FRAS1: variants seen among roughly 807,000 people sequenced by gnomAD.
FRAS1 encodes Fraser extracellular matrix complex subunit 1, also known as extracellular matrix organizing protein FRAS1.
FRAS1 carries 290 observed loss-of-function variants against 435.2 expected under a neutral mutation model. The ratio of observed to expected loss-of-function variants is 0.67; its 90% CI spans 0.61 to 0.73. FRAS1 has a LOEUF of 0.73. Ranked by LOEUF, FRAS1 falls within the 30% of genes least tolerant of loss-of-function variation. FRAS1 has a pLI of 0.00. For missense variants in FRAS1, 4,860 were observed against 5,001.5 expected (o/e 0.97, Z 0.85); for synonymous variants, 1,800 against 1,851.0 (o/e 0.97, Z 0.71).
At position 78,534,539 on chromosome 4, in the gene FRAS1, G is replaced by A. The variant is rs1721821600; in HGVS notation, c.11016G>A (p.Glu3672=). ...CTGAATTTCAGCTCTGCAATAATGA[G>A]AAGGTGTTCCTAATGGATCCCAATA... is the stretch of plus-strand genomic sequence containing the variant. ...LNTEFQLCNN[E]KVFLMDPNTS... The change falls in exon 71 of 74, where the codon GAG becomes GAA. Residue 3672 remains glutamate, a synonymous_variant. Transcript: ENST00000512123. The A allele has an allele frequency of 2.5e-6, 4 of 1,613,632 alleles. No homozygotes were observed. Among genetic ancestry groups the A allele is most frequent in the African/African-American group, 1.3e-5 (1 of 75,024 alleles).
At chr4:78,465,601 A>G (rs114963732) in intron 49 of FRAS1, among the ~76,000 whole-genome samples, 113 of 152,374 alleles carry the variant, frequency 7.4e-4, no homozygotes, top group Non-Finnish European at 1.5e-3. Flanking sequence ...AACTGTAGCA[A>G]AGGTGGCAAG....
intron 40 of FRAS1, among the ~76,000 whole-genome samples, chr4:78,439,952 G>A (rs1053454977): frequency 2.6e-5 from 4 of 150,980 alleles, no homozygotes; most frequent in Non-Finnish European, 5.9e-5. Flanking sequence ...ATACCATAAT[G>A]CCAAAAGCTC....
intron 20 of FRAS1, among the ~76,000 whole-genome samples, chr4:78,359,874 G>A (rs431907): frequency 0.65 from 99,512 of 151,954 alleles, 33,229 homozygotes; most frequent in African/African-American, 0.7. Flanking sequence ...CCATCATGCA[G>A]TATATGTTTG....
chr4:78,168,078 T>C (rs985585503), intron 2 of FRAS1, among the ~76,000 whole-genome samples: 1 of 152,086 alleles, frequency 6.6e-6, no homozygotes, highest in African/African-American at 2.4e-5. Flanking sequence ...CAGTGATAAC[T>C]GTTCACATGT....
intron 5 of FRAS1, 92 bp downstream of exon 5, chr4:78,252,643 C>A: frequency 8.2e-7 from 1 of 1,221,892 alleles, no homozygotes; most frequent in South Asian, 1.4e-5. Flanking sequence ...AACATAGGTT[C>A]TTTCTATTTT....
At position 78,217,452 on chromosome 4, in the gene FRAS1, G is replaced by A. The variant is rs555886383; in HGVS notation, c.109-20058G>A. Among the ~76,000 whole-genome samples, 13 of 152,192 alleles carry A rather than the reference G, an allele frequency of 8.5e-5. No individual in the cohort carries two copies. The South Asian group carries it at 2.3e-3, about 27-fold the overall frequency. On this transcript the variant is annotated intron_variant, in intron 2 of 73. Transcript: ENST00000512123. Reference sequence around the variant, plus strand: ...TCTGGAAGAGGACTGTTCTGTGCGGGACTGCCAGAGCTTCAGCCCAGCTAA... The same window carrying A: ...TCTGGAAGAGGACTGTTCTGTGCGGAACTGCCAGAGCTTCAGCCCAGCTAA...
At chr4:78,137,434 A>G (rs1719970197) in intron 2 of FRAS1, among the ~76,000 whole-genome samples, 2 of 152,226 alleles carry the variant, frequency 1.3e-5, no homozygotes, top group Non-Finnish European at 2.9e-5. Flanking sequence ...AGGAAAGAGA[A>G]TGATTGTATC....
chr4:78,441,593 A>G lies in FRAS1; in HGVS notation c.5665+296A>G, dbSNP rs76208194. Among the ~76,000 whole-genome samples the G allele has an allele frequency of 0.026, 3,941 of 152,106 alleles. 173 individuals are homozygous for G. The highest frequency in any genetic ancestry group is 0.09 in the African/African-American group (3,740 of 41,460). ...GAGAGACAAATTAAAAACCTAATAA[A>G]TGAGAAGATTGAGTACGATGTTAGA... On this transcript the variant is annotated intron_variant, in intron 41 of 73. Coordinates refer to ENST00000512123, the MANE Select transcript of FRAS1 (RefSeq NM_025074.7).
chr4:78,430,270 C>T (rs755524365), intron 36 of FRAS1, 22 bp from the exon 37 acceptor site: 7 of 1,613,688 alleles, frequency 4.3e-6, no homozygotes, highest in Admixed American at 1.7e-5. Flanking sequence ...TCTCTCACCA[C>T]GCTTCCTTCT....
At chr4:78,208,526 TAAAAA>T (rs1438799244) in intron 2 of FRAS1, among the ~76,000 whole-genome samples, 3 of 151,600 alleles carry the variant, frequency 2.0e-5, no homozygotes, top group Non-Finnish European at 4.4e-5. Flanking sequence ...TTTAAGGAAA[TAAAAA>T]AATGATACAA....
chr4:78,114,365 A>G (rs919579812), intron 2 of FRAS1, among the ~76,000 whole-genome samples: 8 of 152,204 alleles, frequency 5.3e-5, no homozygotes, highest in African/African-American at 7.2e-5. Flanking sequence ...AATTCTGTGA[A>G]GAAAGTCATT....
At chr4:78,129,080 T>C (rs1719543513) in intron 2 of FRAS1, among the ~76,000 whole-genome samples, 1 of 152,224 alleles carries the variant, frequency 6.6e-6, no homozygotes, top group South Asian at 2.1e-4. Flanking sequence ...TGCGGCATTA[T>C]TTCTGAGGGC....
At chr4:78,267,454 A>AT (rs761289240) in intron 9 of FRAS1, 22 bp downstream of exon 9, 4 of 1,607,004 alleles carry the variant, frequency 2.5e-6, no homozygotes, top group Non-Finnish European at 3.4e-6. Flanking sequence ...GGGCATTTCC[A>AT]TTTGGAACGT....
At position 78,308,155 on chromosome 4, in the gene FRAS1, G is replaced by A. The variant is rs745735390; in HGVS notation, c.1624G>A (p.Gly542Ser). The change falls in exon 15 of 74, where the codon GGC becomes AGC. Residue 542 changes from glycine to serine, a missense_variant. By Grantham distance (56) the Gly-to-Ser change is moderately conservative. Coordinates refer to ENST00000512123, the MANE Select transcript of FRAS1 (RefSeq NM_025074.7). ...TCCCCTCCACGTGCTGAGAGATGGC[G>A]GCTGTGAGAGCAGCTGTGGAAAAGG... The part of the protein sequence containing the change: ...RDPLHVLRDG[G>S]CESSCGKGFY... 1.1e-5 allele frequency: 17 copies of A among 1,613,822 alleles called. No individual in the cohort carries two copies. The African/African-American group carries it at 1.1e-4, about 10-fold the overall frequency.
At chr4:78,328,415 C>CA (rs1363264415) in intron 18 of FRAS1, among the ~76,000 whole-genome samples, 4 of 152,102 alleles carry the variant, frequency 2.6e-5, no homozygotes, top group Admixed American at 6.6e-5. Flanking sequence ...TTTAGGTGTG[C>CA]AAAAATCTGT....
At chr4:78,526,744 A>C in intron 70 of FRAS1, 87 bp downstream of exon 70, 3 of 791,752 alleles carry the variant, frequency 3.8e-6, no homozygotes, top group Non-Finnish European at 6.0e-6. Context: ...TAACCCCCAA[A>C]TCAACATGGT....
At chr4:78,307,459 C>T (rs934360237) in intron 14 of FRAS1, among the ~76,000 whole-genome samples, 1 of 152,232 alleles carries the variant, frequency 6.6e-6, no homozygotes, top group Non-Finnish European at 1.5e-5. Context: ...GCCCCTCCCC[C>T]AGCCTTGCTG....
intron 58 of FRAS1, among the ~76,000 whole-genome samples, chr4:78,486,585 T>A (rs548970960): frequency 3.3e-5 from 5 of 152,196 alleles, no homozygotes; most frequent in Non-Finnish European, 7.3e-5. Flanking sequence ...TATCACTTCC[T>A]GGGGATTATA....
chr4:78,079,704 A>T (rs2109873327), intron 2 of FRAS1, among the ~76,000 whole-genome samples: 1 of 152,250 alleles, frequency 6.6e-6, no homozygotes, highest in Admixed American at 6.5e-5. Flanking sequence ...TAATATTCCA[A>T]GAGAAAAGTG....
Sources: gnomAD v4.1 joint callset for allele counts (sites outside exome capture counted in the v4.1 genomes callset) on GRCh38, gnomAD v4.1.1 for gene constraint, MANE v1.5 for transcripts, NCBI Gene and HGNC (gene_info 2026-07-23, HGNC 2026-07-21) for gene names.